The following ACYP2 variants were observed in gnomAD, a reference collection of about 807,000 sequenced individuals.
The protein encoded by ACYP2 is acylphosphatase 2.
Under a neutral mutation model 11.2 loss-of-function variants are expected in ACYP2, and 12 were observed. The observed-to-expected ratio is 1.08, with a 90% CI of 0.69 to 1.74. ACYP2 has a LOEUF of 1.74. ACYP2 is among the 40% of genes most tolerant of loss of function. ACYP2 has a pLI of 0.00. For synonymous variants in ACYP2, 43 were observed against 32.2 expected (o/e 1.33, Z -1.13); for missense variants, 134 against 101.9 (o/e 1.31, Z -1.35).
At chr2:54,171,149 C>G (rs958807644) in intron 6 of ACYP2, among the ~76,000 whole-genome samples, 3 of 152,140 alleles carry the variant, frequency 2.0e-5, no homozygotes, top group Non-Finnish European at 4.4e-5. Context: ...CATATGTGAT[C>G]AGCAGGGGAC....
intron 4 of ACYP2, among the ~76,000 whole-genome samples, chr2:54,060,448 A>G (rs1228447757): frequency 1.3e-5 from 2 of 152,044 alleles, no homozygotes; most frequent in Admixed American, 6.5e-5. Flanking sequence ...GATCTCTCCA[A>G]TGATTCAATT....
At chr2:54,125,264 CT>C (rs71775508) in intron 4 of ACYP2, among the ~76,000 whole-genome samples, 7,820 of 152,064 alleles carry the variant, frequency 0.051, 620 homozygotes, top group African/African-American at 0.17. Flanking sequence ...GTTTTTATGT[CT>C]TTTGTTATGT....
intron 2 of ACYP2, among the ~76,000 whole-genome samples, chr2:54,004,631 T>C (rs541061883): frequency 1.5e-4 from 23 of 151,280 alleles, no homozygotes; most frequent in South Asian, 1.5e-3. Context: ...AGGATGGTCT[T>C]GATCTCCTGA....
chr2:54,138,290 A>G (rs1325380359), intron 5 of ACYP2, among the ~76,000 whole-genome samples: 5 of 152,208 alleles, frequency 3.3e-5, no homozygotes, highest in Non-Finnish European at 5.9e-5. Context: ...AACCCAGGTT[A>G]ACAATGTAAT....
intron 2 of ACYP2, among the ~76,000 whole-genome samples, chr2:54,037,457 C>G (rs926346809): frequency 7.9e-5 from 12 of 152,094 alleles, no homozygotes; most frequent in African/African-American, 2.9e-4. Flanking sequence ...GTCACCCAGG[C>G]TGAGGTGCAG....
At chr2:53,981,846 C>T (rs575577810) in intron 2 of ACYP2, among the ~76,000 whole-genome samples, 8 of 152,172 alleles carry the variant, frequency 5.3e-5, no homozygotes, top group East Asian at 1.9e-4. Context: ...ATGATGAAAT[C>T]GCCTAACAAT....
At chr2:54,068,707 A>G (rs1676868957) in intron 4 of ACYP2, among the ~76,000 whole-genome samples, 1 of 152,092 alleles carries the variant, frequency 6.6e-6, no homozygotes, top group Non-Finnish European at 1.5e-5. Flanking sequence ...TTTCTGCTAC[A>G]TGCGCCCAAA....
intron 6 of ACYP2, among the ~76,000 whole-genome samples, chr2:54,275,495 G>A (rs1263767466): frequency 6.6e-6 from 1 of 152,146 alleles, no homozygotes; most frequent in African/African-American, 2.4e-5. Flanking sequence ...CTAGCTTCCA[G>A]TATTAGGTCA....
chr2:53,975,137 A>G (rs182174213), intron 2 of ACYP2: 49 of 387,724 alleles, frequency 1.3e-4, no homozygotes, highest in African/African-American at 8.3e-4. Context: ...AGGCAGAAGA[A>G]TTGCTTGAAC....
intron 4 of ACYP2, among the ~76,000 whole-genome samples, chr2:54,103,702 GATTT>G (rs1178796068): frequency 1.3e-5 from 2 of 152,164 alleles, no homozygotes; most frequent in South Asian, 2.1e-4. Flanking sequence ...TATGAAATAT[GATTT>G]ATTTATTTGA....
At chr2:54,026,141 A>T (rs1184613117) in intron 2 of ACYP2, among the ~76,000 whole-genome samples, 1 of 152,144 alleles carries the variant, frequency 6.6e-6, no homozygotes, top group African/African-American at 2.4e-5. Flanking sequence ...CAGATAGACA[A>T]TCCACAGTGT....
intron 2 of ACYP2, among the ~76,000 whole-genome samples, chr2:53,994,893 G>A (rs1485648260): frequency 6.6e-6 from 1 of 152,074 alleles, no homozygotes; most frequent in African/African-American, 2.4e-5. Context: ...TGGTTATGTT[G>A]GGCTGATAGT....
chr2:53,991,990 A>G (rs1672319820), intron 2 of ACYP2, among the ~76,000 whole-genome samples: 3 of 151,800 alleles, frequency 2.0e-5, no homozygotes, highest in African/African-American at 7.3e-5. Flanking sequence ...GATCAAGCCA[A>G]GCTTTTTCAC....
chr2:54,113,045 C>T (rs1317715983), intron 4 of ACYP2, among the ~76,000 whole-genome samples: 1 of 152,146 alleles, frequency 6.6e-6, no homozygotes, highest in Non-Finnish European at 1.5e-5. Context: ...GGATTGGTTC[C>T]AGGAATCCCC....
chr2:54,099,631 T>A (rs1354162911), intron 4 of ACYP2, among the ~76,000 whole-genome samples: 4 of 152,236 alleles, frequency 2.6e-5, no homozygotes, highest in Non-Finnish European at 5.9e-5. Context: ...GTTAACACTG[T>A]TCCATTATGT....
At chr2:54,021,979 TA>T (rs535617538) in intron 2 of ACYP2, among the ~76,000 whole-genome samples, 1 of 152,036 alleles carries the variant, frequency 6.6e-6, no homozygotes, top group East Asian at 1.9e-4. Flanking sequence ...AGTAAAAAAA[TA>T]AAAAAATGAC....
In ACYP2 at chr2:54,115,840, T is replaced by C. The variant is rs556496112; in HGVS notation, c.278-19613T>C. 2.0e-5 allele frequency: 28 copies of C among 1,398,708 alleles called. No homozygotes were observed. In the South Asian group the frequency reaches 3.0e-4, roughly 15 times the overall value. The allele number at this position is 1,398,708 out of a possible 1,614,324, so 86.6% of individuals were successfully genotyped here. A position where few individuals can be genotyped will look rare whatever the true frequency, so the allele number is the denominator to read the frequency against. On this transcript the variant is annotated intron_variant, in intron 4 of 6. Coordinates refer to ENST00000607452, the MANE Select transcript of ACYP2 (RefSeq NM_001320586.2). ...TGTGAGAAGCGCCTCCCACCTAAAG[T>C]ATGCCTTTTCCCGTTGTGGCTGGGA...
intron 6 of ACYP2, among the ~76,000 whole-genome samples, chr2:54,234,010 G>T (rs1010189321): frequency 2.0e-5 from 3 of 152,130 alleles, no homozygotes; most frequent in Non-Finnish European, 4.4e-5. Flanking sequence ...AAAAGTGGGT[G>T]CCCTTTAATG....
rs1412145891 is a variant in ACYP2, at chr2:53,973,853, ATATGTGTGTGTGTGTGTG to A, written c.62+45_62+62del. 3 of 113,396 alleles carry A rather than the reference ATATGTGTGTGTGTGTGTG, an allele frequency of 2.6e-5. 1 individual carries two copies. The highest frequency in any genetic ancestry group is 1.9e-4 in the African/African-American group (3 of 15,682). 7.0% of individuals were successfully genotyped at this position (113,396 alleles called of 1,614,324 possible). The stretch of plus-strand genomic sequence containing the variant: ...AGGGATTTTTGAATGTGGGATATAT[ATATGTGTGTGTGTGTGTG>A]TGTGTGTGTGTGTGTGTGTGTGTGT... On this transcript the variant is annotated intron_variant, in intron 2 of 6. Coordinates refer to ENST00000607452, the MANE Select transcript of ACYP2 (RefSeq NM_001320586.2).
Sources: gnomAD v4.1 joint callset for allele counts (sites outside exome capture counted in the v4.1 genomes callset) on GRCh38, gnomAD v4.1.1 for gene constraint, MANE v1.5 for transcripts, NCBI Gene and HGNC (gene_info 2026-07-23, HGNC 2026-07-21) for gene names.